RHOQ: variants seen among roughly 807,000 people sequenced by gnomAD.
RHOQ encodes ras homolog family member Q.
In RHOQ, 7 loss-of-function variants were observed where a neutral mutation model predicts 25.8. The ratio of observed to expected loss-of-function variants is 0.27; its 90% CI spans 0.15 to 0.51. The LOEUF (loss-of-function observed/expected upper bound fraction) is 0.51. Ranked by LOEUF, RHOQ falls within the 20% of genes least tolerant of loss-of-function variation. RHOQ has a pLI of 0.97. For missense variants in RHOQ, 165 were observed against 260.6 expected, an observed-to-expected ratio of 0.63 and a Z score of 2.53; for synonymous variants, 97 against 98.6, an observed-to-expected ratio of 0.98 and a Z score of 0.10.
In RHOQ at chr2:46,546,451, C is replaced by CATATATATATATATATATATGTAT. The variant is rs1668047241; in HGVS notation, c.201+2659_201+2660insGTATATATATATATATATATATAT. ...ATATATGTATCCGTATACACATATA[C>CATATATATATATATATATATGTAT]ATATATATATATATATATATATGTG... On this transcript the variant is annotated intron_variant, in intron 2 of 4. Transcript: ENST00000238738. 3.8e-4 allele frequency among the ~76,000 whole-genome samples: 18 copies of CATATATATATATATATATATGTAT among 47,148 alleles called. 1 individual carries two copies. The highest frequency in any genetic ancestry group is 8.0e-4 in the South Asian group (1 of 1,254). 30.9% of individuals were successfully genotyped at this position (47,148 alleles called of 152,430 possible).
intron 2 of RHOQ, among the ~76,000 whole-genome samples, chr2:46,557,371 G>A (rs1170460991): frequency 6.6e-6 from 1 of 152,146 alleles, no homozygotes; most frequent in South Asian, 2.1e-4. Context: ...AATAATCACA[G>A]CCATTAAAAA....
chr2:46,556,134 C>G lies in RHOQ; in HGVS notation c.201+12322C>G, dbSNP rs956175572. 1.3e-5 allele frequency among the ~76,000 whole-genome samples: 2 copies of G among 152,130 alleles called. No individual in the cohort carries two copies. The highest frequency in any genetic ancestry group is 1.3e-4 in the Admixed American group (2 of 15,272). On this transcript the variant is annotated intron_variant, in intron 2 of 4. Transcript: ENST00000238738. The surrounding 1 kb of genome is among the most constrained non-coding windows in gnomAD (Gnocchi z 4.9). ...TTTCTATGGATTTACCTATTCTGGA[C>G]ATTTCATATTAATGGAATCCTGCAA...
chr2:46,561,772 A>G (rs1668587113), intron 2 of RHOQ, among the ~76,000 whole-genome samples: 1 of 152,146 alleles, frequency 6.6e-6, no homozygotes, highest in Non-Finnish European at 1.5e-5. Context: ...AGCCCTAACA[A>G]TGACATTAAG....
intron 2 of RHOQ, chr2:46,560,631 T>G (rs1409107749): frequency 4.4e-6 from 2 of 456,274 alleles, no homozygotes; most frequent in Non-Finnish European, 8.8e-6. Flanking sequence ...GGGTTTCCAG[T>G]GGCCAGGATC....
At chr2:46,551,576 G>A (rs1447370774) in intron 2 of RHOQ, among the ~76,000 whole-genome samples, 1 of 152,188 alleles carries the variant, frequency 6.6e-6, no homozygotes, top group East Asian at 1.9e-4. Context: ...TTTTCACCTG[G>A]TGACTGACAA....
Position 46,556,457 on chromosome 2 carries a change from T to C in RHOQ, c.201+12645T>C, listed in dbSNP as rs1668413545. ...AGGGCTGATCTCTTCTCTACCCTTC[T>C]GATATTCTTTTTCTTAAAAAATTTT... On this transcript the variant is annotated intron_variant, in intron 2 of 4. Transcript: ENST00000238738. The surrounding 1 kb of genome is among the most constrained non-coding windows in gnomAD (Gnocchi z 4.9). 6.6e-6 allele frequency among the ~76,000 whole-genome samples: 1 copy of C among 151,256 alleles called. No homozygotes were observed. Among genetic ancestry groups the C allele is most frequent in the Non-Finnish European group, 1.5e-5 (1 of 67,924 alleles).
In RHOQ at chr2:46,572,115, T is replaced by TTTTG. The variant is rs1320532197; in HGVS notation, c.202-3969_202-3968insGTTT. 2.1e-4 allele frequency among the ~76,000 whole-genome samples: 28 copies of TTTTG among 133,598 alleles called. 2 individuals carry two copies. Among genetic ancestry groups the TTTTG allele is most frequent in the African/African-American group, 7.8e-4 (26 of 33,366 alleles). The allele number at this position is 133,598 out of a possible 152,430, so 87.6% of individuals were successfully genotyped here. Reference sequence around the variant, plus strand: ...TCAGGTGGTAAGTGTGTGTTTTTTTTTTTTTTTTTTTTTTTTTTTGAGACA... The same window carrying TTTTG: ...TCAGGTGGTAAGTGTGTGTTTTTTTTTTTGTTTTTTTTTTTTTTTTTTTGAGACA... On this transcript the variant is annotated intron_variant, in intron 2 of 4. Coordinates refer to ENST00000238738, the MANE Select transcript of RHOQ (RefSeq NM_012249.4).
At chr2:46,547,617 G>A (rs1668114086) in intron 2 of RHOQ, among the ~76,000 whole-genome samples, 1 of 152,250 alleles carries the variant, frequency 6.6e-6, no homozygotes, top group Admixed American at 6.5e-5. Context: ...GCATTTTGGA[G>A]TGGAAGTTGA....
At chr2:46,580,715 T>C (rs775281890) in intron 4 of RHOQ, 1 of 396,032 alleles carries the variant, frequency 2.5e-6, no homozygotes, top group African/African-American at 2.1e-5. Context: ...AGATACCCAG[T>C]AAATATGTGG....
At chr2:46,545,966 C>G (rs187846144) in intron 2 of RHOQ, among the ~76,000 whole-genome samples, 2 of 152,278 alleles carry the variant, frequency 1.3e-5, no homozygotes, top group East Asian at 3.9e-4. Context: ...TCAAATACTA[C>G]TGTTTTCACC....
Position 46,566,966 on chromosome 2 carries a change from G to A in RHOQ, c.202-9121G>A, listed in dbSNP as rs1314373097. On this transcript the variant is annotated intron_variant, in intron 2 of 4. Coordinates refer to ENST00000238738, the MANE Select transcript of RHOQ (RefSeq NM_012249.4). This position sits in a 1 kb window ranked among gnomAD's most constrained non-coding sequence, Gnocchi z 4.2. ...TTTATAGTCATTTTTGTCCCAATTT[G>A]TTCAATGCCTGATTTGATACCTCAA... Among the ~76,000 whole-genome samples the A allele has an allele frequency of 2.6e-5, 4 of 152,004 alleles. No homozygotes were observed. Among genetic ancestry groups the A allele is most frequent in the Non-Finnish European group, 4.4e-5 (3 of 67,992 alleles).
chr2:46,559,368 CT>C (rs924291249), intron 2 of RHOQ, among the ~76,000 whole-genome samples: 11 of 152,154 alleles, frequency 7.2e-5, no homozygotes, highest in African/African-American at 2.4e-4. Flanking sequence ...AATTTTTTGT[CT>C]CTCTGTGTAA....
In RHOQ at chr2:46,543,089, G is replaced by C. The variant is rs1213652517; in HGVS notation, c.43G>C (p.Val15Leu). Residue 15 changes from valine to leucine, a missense_variant, in exon 1 of 5, where the codon GTC (valine) becomes CTC (leucine). Coordinates refer to ENST00000238738, the MANE Select transcript of RHOQ (RefSeq NM_012249.4). ...CGCGCTGATGCTCAAGTGCGTGGTGGTCGGCGACGGGGCGGTGGGCAAGAC... is the reference window on the plus strand; with the variant it reads ...CGCGCTGATGCTCAAGTGCGTGGTGCTCGGCGACGGGGCGGTGGGCAAGAC... ...PGALMLKCVV[V>L]GDGAVGKTCL... is the part of the protein sequence containing the mutation. The C allele has an allele frequency of 1.2e-6, 2 of 1,609,460 alleles. No homozygotes were observed. Among genetic ancestry groups the C allele is most frequent in the Admixed American group, 3.3e-5 (2 of 59,874 alleles).
chr2:46,568,991 CCT>C (rs754782689), intron 2 of RHOQ: 10 of 152,214 alleles, frequency 6.6e-5, no homozygotes, highest in Non-Finnish European at 1.5e-4. Context: ...GGCCAGCTGA[CCT>C]CTGTTTTAGT....
At chr2:46,580,871 C>T in intron 4 of RHOQ, 57 bp from the exon 5 acceptor site, 1 of 1,241,144 alleles carries the variant, frequency 8.1e-7, no homozygotes, top group Non-Finnish European at 1.1e-6. Context: ...GTGTTTATGT[C>T]ATGCCAATTG....
intron 4 of RHOQ, among the ~76,000 whole-genome samples, chr2:46,577,827 C>T (rs1179960342): frequency 6.6e-6 from 1 of 151,980 alleles, no homozygotes; most frequent in East Asian, 1.9e-4. Context: ...CAAATCACTT[C>T]AGAAATTCCA....
chr2:46,564,222 T>C (rs914950657), intron 2 of RHOQ, among the ~76,000 whole-genome samples: 2 of 152,084 alleles, frequency 1.3e-5, no homozygotes, highest in African/African-American at 4.8e-5. Flanking sequence ...GGAAGATTGC[T>C]TAAGCCCAGG....
chr2:46,578,254 T>TC (rs1669205380), intron 4 of RHOQ, among the ~76,000 whole-genome samples: 1 of 152,180 alleles, frequency 6.6e-6, no homozygotes, highest in Non-Finnish European at 1.5e-5. Context: ...TGTTGTACTA[T>TC]TGGTCATTGA....
At chr2:46,580,685 A>T (rs930447778) in intron 4 of RHOQ, 3 of 326,884 alleles carry the variant, frequency 9.2e-6, no homozygotes, top group African/African-American at 6.4e-5. Flanking sequence ...CCAGGACCTA[A>T]ACAGTGCTTG....
Sources: gnomAD v4.1 joint callset for allele counts (sites outside exome capture counted in the v4.1 genomes callset) on GRCh38, gnomAD v4.1.1 for gene constraint, Gnocchi (gnomAD v3.1) non-coding constraint, MANE v1.5 for transcripts, NCBI Gene and HGNC (gene_info 2026-07-23, HGNC 2026-07-21) for gene names.